PLEKHA5: variants seen among roughly 807,000 people sequenced by gnomAD.
PLEKHA5 encodes the protein pleckstrin homology domain containing A5, also known as pleckstrin homology domain-containing family A member 5.
Under a neutral mutation model 181.9 loss-of-function variants are expected in PLEKHA5, and 55 were observed. That is an observed-to-expected ratio of 0.30 (90% CI 0.24 to 0.38). PLEKHA5 has a LOEUF of 0.38. PLEKHA5 is among the 10% of genes least tolerant of loss of function. The probability of loss-of-function intolerance (pLI) is 1.00; values close to 1 mark genes in which losing one functional copy is unlikely to be tolerated. For synonymous variants in PLEKHA5, 535 were observed against 529.4 expected (o/e 1.01, Z -0.15); for missense variants, 1,432 against 1,549.5 (o/e 0.92, Z 1.27).
intron 15 of PLEKHA5, chr12:19,307,034 C>CG: frequency 6.8e-7 from 1 of 1,479,886 alleles, no homozygotes; most frequent in Admixed American, 1.7e-5. Flanking sequence ...GCCCTTGCTG[C>CG]GCTTGGGCTT....
At chr12:19,194,088 G>A (rs1441142870) in intron 3 of PLEKHA5, among the ~76,000 whole-genome samples, 1 of 152,094 alleles carries the variant, frequency 6.6e-6, no homozygotes, top group Admixed American at 6.6e-5. Flanking sequence ...CATGAGACTG[G>A]GGCAGAACAA....
Position 19,290,734 on chromosome 12 carries a change from A to G in PLEKHA5, c.1921A>G (p.Ser641Gly). 6.5e-7 allele frequency: 1 copy of G among 1,535,998 alleles called. No homozygotes were observed. The highest frequency in any genetic ancestry group is 8.7e-7 in the Non-Finnish European group (1 of 1,146,588). The stretch of plus-strand genomic sequence containing the variant: ...GAGACGGCAGCAAGCCGAACTGAGT[A>G]GTATCCGGGAGCATACGTTAGCACA... ...KLRRQQAELSSIREHTLAQLM... is the reference protein window; with the variant it reads ...KLRRQQAELSGIREHTLAQLM... The change falls in exon 14 of 32, where the codon AGT becomes GGT. Residue 641 changes from serine (S) to glycine (G), a missense_variant. Coordinates refer to ENST00000429027, the MANE Select transcript of PLEKHA5 (RefSeq NM_001256470.2).
chr12:19,333,058 G>A (rs1333545901), intron 20 of PLEKHA5, among the ~76,000 whole-genome samples: 2 of 152,176 alleles, frequency 1.3e-5, no homozygotes, highest in South Asian at 2.1e-4. Context: ...ATTCAGGCGG[G>A]CAGATCACCT....
chr12:19,155,318 A>G (rs2041426864), intron 3 of PLEKHA5, among the ~76,000 whole-genome samples: 1 of 152,210 alleles, frequency 6.6e-6, no homozygotes, highest in Non-Finnish European at 1.5e-5. Flanking sequence ...CACTCCTATT[A>G]TATGCTTCTG....
intron 15 of PLEKHA5, chr12:19,306,810 T>G (rs2083920857): frequency 1.2e-6 from 1 of 828,190 alleles, no homozygotes; most frequent in African/African-American, 1.7e-5. Flanking sequence ...TGTCGCACCA[T>G]GTCTGACAAA....
chr12:19,284,758 CT>C (rs199936903), intron 12 of PLEKHA5, among the ~76,000 whole-genome samples: 10 of 151,252 alleles, frequency 6.6e-5, no homozygotes, highest in Middle Eastern at 3.4e-3. Flanking sequence ...TCCTAAAGTG[CT>C]TTTTTTTTCA....
intron 15 of PLEKHA5, chr12:19,306,742 G>C (rs887339236): frequency 2.6e-6 from 3 of 1,137,014 alleles, no homozygotes; most frequent in Admixed American, 3.4e-5. Context: ...CTTCCCGCCG[G>C]ATAATTCACC....
At chr12:19,283,090 T>C (rs2076516054) in intron 11 of PLEKHA5, among the ~76,000 whole-genome samples, 190 bp from the exon 12 acceptor site, 1 of 127,158 alleles carries the variant, frequency 7.9e-6, no homozygotes, top group African/African-American at 3.1e-5. Context: ...GAGGTTGCAG[T>C]GAGCCGAGAT....
chr12:19,220,678 C>G (rs941500068), intron 3 of PLEKHA5, among the ~76,000 whole-genome samples: 1 of 152,022 alleles, frequency 6.6e-6, no homozygotes, highest in Non-Finnish European at 1.5e-5. Flanking sequence ...AAAGTTGAGT[C>G]GTTTATTATT....
chr12:19,293,876 TC>T (rs1463453828), intron 15 of PLEKHA5, among the ~76,000 whole-genome samples: 3 of 152,188 alleles, frequency 2.0e-5, no homozygotes, highest in African/African-American at 7.2e-5. Flanking sequence ...ATCTCTCCTC[TC>T]AAAGAAAGCT....
chr12:19,167,362 C>A (rs1333218063), intron 3 of PLEKHA5, among the ~76,000 whole-genome samples: 2 of 147,840 alleles, frequency 1.4e-5, no homozygotes, highest in East Asian at 4.0e-4. Flanking sequence ...TTAATGTTGG[C>A]ATCATACTTG....
At chr12:19,334,832 ATATAT>A (rs1565630051) in intron 20 of PLEKHA5, among the ~76,000 whole-genome samples, 2,194 of 25,282 alleles carry the variant, frequency 0.087, 437 homozygotes, top group South Asian at 0.29. Flanking sequence ...AAAAAAAAAT[ATATAT>A]ATATATATAT....
At chr12:19,236,447 A>G (rs1173875139) in intron 3 of PLEKHA5, among the ~76,000 whole-genome samples, 2 of 152,108 alleles carry the variant, frequency 1.3e-5, no homozygotes, top group Non-Finnish European at 2.9e-5. Flanking sequence ...TGATCAATAA[A>G]ACTGAGCAAC....
chr12:19,255,145 C>G lies in PLEKHA5; in HGVS notation c.412C>G (p.Pro138Ala). ...CGTGACTTCAGATTATGCAGTGCAT[C>G]CAATGAGCCCTGTAGGCAGAGTAAG... is the stretch of plus-strand genomic sequence containing the variant. ...YNVTSDYAVHPMSPVGRTSRA... is the reference protein window; with the variant it reads ...YNVTSDYAVHAMSPVGRTSRA... The change falls in exon 5 of 32, where the codon CCA (proline) becomes GCA (alanine). Residue 138 changes from proline to alanine, a missense_variant. Physicochemically the swap from Pro to Ala is conservative, Grantham distance 27 (BLOSUM62 -1). Coordinates refer to ENST00000429027, the MANE Select transcript of PLEKHA5 (RefSeq NM_001256470.2). The G allele has an allele frequency of 6.2e-7, 1 of 1,602,090 alleles. No individual in the cohort carries two copies. The highest frequency in any genetic ancestry group is 1.3e-5 in the African/African-American group (1 of 74,852).
At chr12:19,240,895 ACT>A (rs752391848) in intron 3 of PLEKHA5, among the ~76,000 whole-genome samples, 3 of 152,088 alleles carry the variant, frequency 2.0e-5, no homozygotes, top group African/African-American at 7.2e-5. Flanking sequence ...TATACAAGTG[ACT>A]CTGCAACTTT....
intron 15 of PLEKHA5, among the ~76,000 whole-genome samples, chr12:19,311,551 G>A (rs762274006): frequency 6.6e-6 from 1 of 151,944 alleles, no homozygotes; most frequent in Non-Finnish European, 1.5e-5. Flanking sequence ...TGTCAACAAT[G>A]TTCACAGTAC....
At chr12:19,193,105 T>A (rs1197490530) in intron 3 of PLEKHA5, among the ~76,000 whole-genome samples, 1 of 152,216 alleles carries the variant, frequency 6.6e-6, no homozygotes, top group Non-Finnish European at 1.5e-5. Context: ...ACTTTTACAT[T>A]GTAGATTAGG....
At chr12:19,356,357 T>C (rs2094927573) in intron 26 of PLEKHA5, among the ~76,000 whole-genome samples, 2 of 151,276 alleles carry the variant, frequency 1.3e-5, no homozygotes, top group Non-Finnish European at 2.9e-5. Context: ...TCTACAAAAA[T>C]TACCAAAAAA....
intron 16 of PLEKHA5, chr12:19,319,758 A>G (rs2090127206): frequency 1.0e-5 from 3 of 285,728 alleles, no homozygotes; most frequent in South Asian, 8.5e-5. Flanking sequence ...TGGGATGGCT[A>G]TTGAAATCTT....
Sources: allele counts gnomAD v4.1 joint callset (sites outside exome capture counted in the v4.1 genomes callset), GRCh38; gene constraint gnomAD v4.1.1; transcripts MANE v1.5; gene names NCBI Gene and HGNC (gene_info 2026-07-23, HGNC 2026-07-21).